Variants in ASGR2 observed in about 807,000 individuals in gnomAD.
ASGR2 encodes the protein C-type lectin domain family 4 member H2.
ASGR2 carries 34 observed loss-of-function variants against 32.3 expected under a neutral mutation model. That is an observed-to-expected ratio of 1.05 (90% CI 0.80 to 1.40). ASGR2 has a LOEUF of 1.40. ASGR2 is among the 40% of genes most tolerant of loss of function. The pLI is 0.00. For synonymous variants in ASGR2, 143 were observed against 150.0 expected (o/e 0.95, Z 0.34); for missense variants, 385 against 386.4 (o/e 1.00, Z 0.03).
intron 2 of ASGR2, among the ~76,000 whole-genome samples, chr17:7,109,171 G>A (rs534513509): frequency 9.2e-5 from 14 of 152,012 alleles, no homozygotes; most frequent in East Asian, 3.9e-4. Flanking sequence ...TGCAAAGCCC[G>A]GATCCTGGAG....
Position 7,102,062 on chromosome 17 carries a change from CAAGGAGATGAGGG to C in ASGR2, c.755+15_755+27del. 3 of 1,596,672 alleles carry C rather than the reference CAAGGAGATGAGGG, an allele frequency of 1.9e-6. No individual in the cohort carries two copies. In the South Asian group the frequency reaches 3.3e-5, roughly 18 times the overall value. On this transcript the variant is annotated intron_variant, in intron 8 of 8. Coordinates refer to ENST00000691900, the MANE Select transcript of ASGR2 (RefSeq NM_001201352.2). Reference sequence around the variant, plus strand: ...GGGGGCTGTCCCCAGAGAAATCTAACAAGGAGATGAGGGAAGAGGCCACTTACTTGTAGTTGTG... The same window carrying C: ...GGGGGCTGTCCCCAGAGAAATCTAACAAGAGGCCACTTACTTGTAGTTGTG...
chr17:7,105,657 C>T (rs1241608303), intron 7 of ASGR2, among the ~76,000 whole-genome samples: 1 of 151,930 alleles, frequency 6.6e-6, no homozygotes, highest in Non-Finnish European at 1.5e-5. Context: ...CCAACCTGGG[C>T]GATAGAGCCA....
At position 7,114,443 on chromosome 17, in the gene ASGR2, G is replaced by T; in HGVS notation, c.-70-133C>A. ...TGGGATGAGGTTTGAAATCCCGCTG[G>T]GTCCTTTCCCTTCTCAGGAGACCGC... On this transcript the variant is annotated intron_variant, in intron 1 of 8. Transcript: ENST00000691900. The surrounding 1 kb of genome is among the most constrained non-coding windows in gnomAD (Gnocchi z 4.5). 1.4e-6 allele frequency: 2 copies of T among 1,412,844 alleles called. No individual in the cohort carries two copies. Among genetic ancestry groups the T allele is most frequent in the Non-Finnish European group, 1.8e-6 (2 of 1,086,050 alleles). The allele number at this position is 1,412,844 out of a possible 1,614,324, so 87.5% of individuals were successfully genotyped here. A position where few individuals can be genotyped will look rare whatever the true frequency, so the allele number is the denominator to read the frequency against.
chr17:7,107,657 C>T lies in ASGR2; in HGVS notation c.409+179G>A. On this transcript the variant is annotated intron_variant, in intron 5 of 8. Coordinates refer to ENST00000691900, the MANE Select transcript of ASGR2 (RefSeq NM_001201352.2). The surrounding 1 kb of genome is among the most constrained non-coding windows in gnomAD (Gnocchi z 5.0). The stretch of plus-strand genomic sequence containing the variant: ...CATATACACCACACTACACACCACA[C>T]ACAGATCCATGACATATCACACCAC... 1.2e-6 allele frequency: 1 copy of T among 814,892 alleles called. No homozygotes were observed. Among genetic ancestry groups the T allele is most frequent in the South Asian group, 1.6e-5 (1 of 60,676 alleles). The allele number at this position is 814,892 out of a possible 1,614,324, so 50.5% of individuals were successfully genotyped here.
intron 7 of ASGR2, among the ~76,000 whole-genome samples, chr17:7,105,546 G>A (rs1363885939): frequency 6.6e-6 from 1 of 152,102 alleles, no homozygotes; most frequent in African/African-American, 2.4e-5. Flanking sequence ...AGGTATGGTG[G>A]TGTGCACCTG....
chr17:7,105,961 G>A (rs996765627), intron 7 of ASGR2, among the ~76,000 whole-genome samples: 1 of 151,902 alleles, frequency 6.6e-6, no homozygotes, highest in Non-Finnish European at 1.5e-5. Flanking sequence ...GCTAATTTTT[G>A]TATGTTTAGT....
Position 7,104,168 on chromosome 17 carries a change from G to A in ASGR2, c.649-1972C>T, listed in dbSNP as rs117323731. On this transcript the variant is annotated intron_variant, in intron 7 of 8. Coordinates refer to ENST00000691900, the MANE Select transcript of ASGR2 (RefSeq NM_001201352.2). ...ATTGGAGACCAGCCTGACCAACACG[G>A]AGAAACCTCATCTCCACTAAAAATA... 4.5e-3 allele frequency among the ~76,000 whole-genome samples: 678 copies of A among 151,992 alleles called. 11 individuals are homozygous for A. Among genetic ancestry groups the A allele is most frequent in the East Asian group, 0.042 (216 of 5,160 alleles).
intron 7 of ASGR2, among the ~76,000 whole-genome samples, 153 bp from the exon 8 acceptor site, chr17:7,102,349 T>C (rs1912968386): frequency 6.6e-6 from 1 of 152,216 alleles, no homozygotes; most frequent in African/African-American, 2.4e-5. Context: ...TCCTAGCTTT[T>C]TCTTCCGTCA....
chr17:7,104,248 T>C (rs1913281822), intron 7 of ASGR2, among the ~76,000 whole-genome samples: 1 of 149,268 alleles, frequency 6.7e-6, no homozygotes, highest in African/African-American at 2.5e-5. Context: ...CTTGGGAGGC[T>C]GAGGCAGGAG....
intron 2 of ASGR2, among the ~76,000 whole-genome samples, chr17:7,111,690 A>G (rs1381618481): frequency 4.0e-5 from 6 of 151,104 alleles, no homozygotes; most frequent in African/African-American, 1.5e-4. Context: ...GAAAAGAAAA[A>G]ACACACTGGA....
Position 7,114,014 on chromosome 17 carries a change from T to C in ASGR2, c.124+103A>G, listed in dbSNP as rs1228834537. The C allele has an allele frequency of 8.5e-6, 13 of 1,531,216 alleles. No homozygotes were observed. The highest frequency in any genetic ancestry group is 1.1e-5 in the Non-Finnish European group (12 of 1,132,772). The allele number at this position is 1,531,216 out of a possible 1,614,324, so 94.9% of individuals were successfully genotyped here. A position where few individuals can be genotyped will look rare whatever the true frequency, so the allele number is the denominator to read the frequency against. The stretch of plus-strand genomic sequence containing the variant: ...AACAAGCGGGGGTGTCGGGCCCTCC[T>C]CAGTCCCTGTTCACAGAGTGGGTGC... On this transcript the variant is annotated intron_variant, in intron 2 of 8. Transcript: ENST00000691900. This position sits in a 1 kb window ranked among gnomAD's most constrained non-coding sequence, Gnocchi z 4.5.
At chr17:7,109,079 T>C (rs930158778) in intron 2 of ASGR2, among the ~76,000 whole-genome samples, 191 bp from the exon 3 acceptor site, 4 of 151,856 alleles carry the variant, frequency 2.6e-5, no homozygotes, top group African/African-American at 9.7e-5. Context: ...GCACCCATAT[T>C]ACCATGTATA....
At chr17:7,104,975 CAA>C (rs58174053) in intron 7 of ASGR2, among the ~76,000 whole-genome samples, 12 of 127,852 alleles carry the variant, frequency 9.4e-5, no homozygotes, top group South Asian at 2.5e-4. Context: ...GACTCCATCT[CAA>C]AAAAAAAAAA....
At position 7,113,285 on chromosome 17, in the gene ASGR2, T is replaced by TACAC. The variant is rs113103097; in HGVS notation, c.124+828_124+831dup. Among the ~76,000 whole-genome samples, 281 of 124,482 alleles carry TACAC rather than the reference T, an allele frequency of 2.3e-3. 1 individual carries two copies. Among genetic ancestry groups the TACAC allele is most frequent in the African/African-American group, 7.9e-3 (249 of 31,380 alleles). The allele number at this position is 124,482 out of a possible 152,430, so 81.7% of individuals were successfully genotyped here. On this transcript the variant is annotated intron_variant, in intron 2 of 8. Transcript: ENST00000691900. The surrounding 1 kb of genome is among the most constrained non-coding windows in gnomAD (Gnocchi z 5.1). ...CACCCATCCCAACTCACCCCACCTC[T>TACAC]ACACACACACACACACACACATACA... is the stretch of plus-strand genomic sequence containing the variant.
chr17:7,111,452 C>G (rs561274219), intron 2 of ASGR2, among the ~76,000 whole-genome samples: 63 of 151,830 alleles, frequency 4.1e-4, no homozygotes, highest in East Asian at 7.8e-4. Flanking sequence ...GTCAGGAGAT[C>G]GACACCATCC....
chr17:7,107,036 G>T lies in ASGR2; in HGVS notation c.612C>A (p.Asn204Lys), dbSNP rs139922820. 1.9e-6 allele frequency: 3 copies of T among 1,614,050 alleles called. No homozygotes were observed. In the Admixed American group the frequency reaches 5.0e-5, roughly 27 times the overall value. ...AGGAGTTGATGACCACCAGGTGTGC[G>T]TTCTCCAGCTGGCAGTACTTCTCCG... ...AEAEKYCQLE[N>K]AHLVVINSWE... Residue 204 changes from asparagine to lysine, a missense_variant, in exon 7 of 9, where the codon AAC becomes AAA. Transcript: ENST00000691900. The surrounding 1 kb of genome is among the most constrained non-coding windows in gnomAD (Gnocchi z 5.0).
Position 7,114,452 on chromosome 17 carries a change from C to G in ASGR2, c.-70-142G>C. ...GTTTGAAATCCCGCTGGGTCCTTTC[C>G]CTTCTCAGGAGACCGCTTGGGCCTT... On this transcript the variant is annotated intron_variant, in intron 1 of 8. Coordinates refer to ENST00000691900, the MANE Select transcript of ASGR2 (RefSeq NM_001201352.2). This position sits in a 1 kb window ranked among gnomAD's most constrained non-coding sequence, Gnocchi z 4.5. 2.1e-6 allele frequency: 3 copies of G among 1,399,708 alleles called. No homozygotes were observed. The South Asian group carries it at 4.6e-5, about 21-fold the overall frequency. 86.7% of individuals were successfully genotyped at this position (1,399,708 alleles called of 1,614,324 possible). A position where few individuals can be genotyped will look rare whatever the true frequency, so the allele number is the denominator to read the frequency against.
At chr17:7,111,835 G>A (rs35505890) in intron 2 of ASGR2, among the ~76,000 whole-genome samples, 21,389 of 148,768 alleles carry the variant, frequency 0.14, 1,788 homozygotes, top group African/African-American at 0.22. Context: ...GACTAGTCTG[G>A]GCAGCATGGC....
At position 7,108,914 on chromosome 17, in the gene ASGR2, G is replaced by A. The variant is rs778742493; in HGVS notation, c.125-26C>T. 90 of 1,554,160 alleles carry A rather than the reference G, an allele frequency of 5.8e-5. No homozygotes were observed. Among genetic ancestry groups the A allele is most frequent in the Non-Finnish European group, 6.8e-5 (78 of 1,149,276 alleles). ...CTGTGGGAGAGGGGCATCAGGAGCCGGCAGCCTGGGTGTGGGGAGCCGGAG... is the reference window on the plus strand; with the variant it reads ...CTGTGGGAGAGGGGCATCAGGAGCCAGCAGCCTGGGTGTGGGGAGCCGGAG... On this transcript the variant is annotated intron_variant, in intron 2 of 8. Coordinates refer to ENST00000691900, the MANE Select transcript of ASGR2 (RefSeq NM_001201352.2). The surrounding 1 kb of genome is among the most constrained non-coding windows in gnomAD (Gnocchi z 4.9).
Sources: gnomAD v4.1 joint callset for allele counts (sites outside exome capture counted in the v4.1 genomes callset) on GRCh38, gnomAD v4.1.1 for gene constraint, Gnocchi (gnomAD v3.1) non-coding constraint, MANE v1.5 for transcripts, NCBI Gene and HGNC (gene_info 2026-07-23, HGNC 2026-07-21) for gene names.